The following CIT variants were observed in gnomAD, a reference collection of about 807,000 sequenced individuals.
CIT encodes the protein citron Rho-interacting kinase.
Under a neutral mutation model 272.7 loss-of-function variants are expected in CIT, and 79 were observed. That is an observed-to-expected ratio of 0.29 (90% CI 0.24 to 0.35). CIT has a LOEUF of 0.35. Ranked by LOEUF, CIT falls within the 10% of genes least tolerant of loss-of-function variation. The pLI, the probability that CIT is intolerant of heterozygous loss-of-function variation, is 1.00. For synonymous variants in CIT, 948 were observed against 995.6 expected, an observed-to-expected ratio of 0.95 and a Z score of 0.90; for missense variants, 1,909 against 2,618.3, an observed-to-expected ratio of 0.73 and a Z score of 5.91.
intron 26 of CIT, among the ~76,000 whole-genome samples, chr12:119,730,844 C>G (rs1028524687): frequency 1.3e-5 from 2 of 152,196 alleles, no homozygotes; most frequent in Non-Finnish European, 2.9e-5. Context: ...AAAAACAAAA[C>G]AGGCCAGGCA....
intron 46 of CIT, among the ~76,000 whole-genome samples, chr12:119,693,603 T>C (rs577912497): frequency 1.3e-5 from 2 of 152,344 alleles, no homozygotes; most frequent in South Asian, 4.1e-4. Context: ...ACTTGGGAAC[T>C]ACTTAAAAAA....
At chr12:119,772,710 T>C in intron 17 of CIT, 60 bp downstream of exon 17, 1 of 1,492,542 alleles carries the variant, frequency 6.7e-7, no homozygotes, top group Non-Finnish European at 8.9e-7. Context: ...GCAGTTTCTT[T>C]CCTTGGGCAC....
intron 5 of CIT, 91 bp downstream of exon 5, chr12:119,850,083 C>CAAG: frequency 1.2e-6 from 1 of 854,592 alleles, no homozygotes; most frequent in East Asian, 2.4e-5. Context: ...TGAATGAGAC[C>CAAG]ACATGGGCAA....
chr12:119,832,964 TTC>T lies in CIT; in HGVS notation c.660-102_660-101del, dbSNP rs1968749106. 5 of 819,026 alleles carry T rather than the reference TTC, an allele frequency of 6.1e-6. No homozygotes were observed. In the East Asian group the frequency reaches 1.0e-4, roughly 16 times the overall value. The allele number at this position is 819,026 out of a possible 1,614,324, so 50.7% of individuals were successfully genotyped here. ...TGAGCCAAAAATCTTTGTTTATGTA[TTC>T]TGTTATATAGACCTCCTCTATTGGT... On this transcript the variant is annotated intron_variant, in intron 6 of 47. Coordinates refer to ENST00000392521, the MANE Select transcript of CIT (RefSeq NM_001206999.2).
chr12:119,787,654 C>A (rs1964916156), intron 10 of CIT, among the ~76,000 whole-genome samples: 2 of 141,714 alleles, frequency 1.4e-5, no homozygotes, highest in Admixed American at 7.9e-5. Context: ...TGGCATGAAC[C>A]CGGGAGGCGG....
At chr12:119,742,081 T>C (rs536922077) in intron 24 of CIT, among the ~76,000 whole-genome samples, 1 of 152,296 alleles carries the variant, frequency 6.6e-6, no homozygotes, top group South Asian at 2.1e-4. Flanking sequence ...TGGAACCTTC[T>C]ACATTGGGAC....
intron 4 of CIT, among the ~76,000 whole-genome samples, chr12:119,852,486 G>C (rs538732610): frequency 2.6e-4 from 39 of 150,898 alleles, no homozygotes; most frequent in Non-Finnish European, 4.0e-4. Context: ...GGCCAAGGCG[G>C]GCGGATCACT....
At chr12:119,850,715 GGT>G (rs1472516617) in intron 4 of CIT, among the ~76,000 whole-genome samples, 2 of 152,080 alleles carry the variant, frequency 1.3e-5, no homozygotes, top group Non-Finnish European at 2.9e-5. Flanking sequence ...GCCATTCACT[GGT>G]GTGGAACAAG....
chr12:119,745,269 A>C (rs1959199815), intron 23 of CIT, among the ~76,000 whole-genome samples: 2 of 150,070 alleles, frequency 1.3e-5, no homozygotes, highest in South Asian at 2.1e-4. Flanking sequence ...AAAAATGAGA[A>C]AGACAGATTT....
At chr12:119,808,302 C>G (rs1373054183) in intron 9 of CIT, among the ~76,000 whole-genome samples, 1 of 152,162 alleles carries the variant, frequency 6.6e-6, no homozygotes, top group Non-Finnish European at 1.5e-5. Context: ...TCATTCCCAC[C>G]TTTGATTTTT....
Position 119,772,883 on chromosome 12 carries a change from C to CG in CIT, c.1968dup (p.Glu657ArgfsTer28). ...GCCTGGCGGATATTCTGCAGCAGCT[C>CG]GGTGGCCTCCGTGCTGGCTTTTACA... On this transcript the variant is annotated frameshift_variant, in exon 17 of 48. Coordinates refer to ENST00000392521, the MANE Select transcript of CIT (RefSeq NM_001206999.2). LOFTEE classifies it high-confidence loss of function. The CG allele has an allele frequency of 6.2e-7, 1 of 1,613,914 alleles. No individual in the cohort carries two copies. Among genetic ancestry groups the CG allele is most frequent in the Non-Finnish European group, 8.5e-7 (1 of 1,179,958 alleles).
chr12:119,733,449 C>T (rs957349768), intron 26 of CIT, among the ~76,000 whole-genome samples: 2 of 151,520 alleles, frequency 1.3e-5, no homozygotes, highest in African/African-American at 4.9e-5. Flanking sequence ...AAGGAGAATT[C>T]CTCCCACCCT....
intron 29 of CIT, 135 bp from the exon 30 acceptor site, chr12:119,720,720 G>A (rs1957779051): frequency 1.8e-6 from 1 of 557,868 alleles, no homozygotes; most frequent in South Asian, 2.9e-5. Flanking sequence ...TACTGAGTCA[G>A]TATGTATTTA....
Position 119,697,564 on chromosome 12 carries a change from G to T in CIT, c.5882+95C>A, listed in dbSNP as rs917061023. On this transcript the variant is annotated intron_variant, in intron 46 of 47. Coordinates refer to ENST00000392521, the MANE Select transcript of CIT (RefSeq NM_001206999.2). This position sits in a 1 kb window ranked among gnomAD's most constrained non-coding sequence, Gnocchi z 4.9. Reference sequence around the variant, plus strand: ...GGTTTGAGCTTAAGAACAAAGTGAAGATTGGGAAACATTCTACTGGTTTAG... The same window carrying T: ...GGTTTGAGCTTAAGAACAAAGTGAATATTGGGAAACATTCTACTGGTTTAG... The T allele has an allele frequency of 1.3e-5, 17 of 1,288,728 alleles. No homozygotes were observed. The highest frequency in any genetic ancestry group is 1.8e-5 in the Non-Finnish European group (17 of 929,090). The allele number at this position is 1,288,728 out of a possible 1,614,324, so 79.8% of individuals were successfully genotyped here.
At position 119,877,295 on chromosome 12, in the gene CIT, C is replaced by G. The variant is rs1241875269; in HGVS notation, c.-60G>C. 1 of 152,348 alleles carries G rather than the reference C, an allele frequency of 6.6e-6. No homozygotes were observed. Among genetic ancestry groups the G allele is most frequent in the South Asian group, 2.1e-4 (1 of 4,834 alleles). The allele number at this position is 152,348 out of a possible 1,614,324, so 9.4% of individuals were successfully genotyped here. A position where few individuals can be genotyped will look rare whatever the true frequency, so the allele number is the denominator to read the frequency against. ...GCGATCTGTTCCGCCCCGCGCCTCC[C>G]GCCGCCGCGTTTGAACCCGAGGAAC... On this transcript the variant is annotated 5_prime_UTR_variant, in exon 1 of 48. Coordinates refer to ENST00000392521, the MANE Select transcript of CIT (RefSeq NM_001206999.2).
chr12:119,734,294 G>C lies in CIT; in HGVS notation c.3220C>G (p.Leu1074Val), dbSNP rs1449628273. The C allele has an allele frequency of 1.2e-6, 2 of 1,613,772 alleles. No homozygotes were observed. Among genetic ancestry groups the C allele is most frequent in the Middle Eastern group, 1.6e-4 (1 of 6,084 alleles). ...LEEQVMDLEA[L>V]NDELLEKERQ... ...TCTTTTTCTAGCAGCTCATCGTTTA[G>C]GGCCTCCAAATCCATGACCTGTTCC... Residue 1074 changes from leucine to valine, a missense_variant, in exon 26 of 48, where the codon CTA (leucine) becomes GTA (valine). This residue lies in a region of CIT where 530 missense variants were observed against 822.4 expected (regional missense o/e 0.64). Transcript: ENST00000392521.
rs1957301299 is a variant in CIT at position 119,713,831 on chromosome 12, T to C, written c.4307-183A>G. On this transcript the variant is annotated intron_variant, in intron 33 of 47. Transcript: ENST00000392521. The surrounding 1 kb of genome is among the most constrained non-coding windows in gnomAD (Gnocchi z 5.2). ...CCCCTGCAGAAAGGGAAAACAAAAG[T>C]GCCAAGTGCTCTTGACCCAGTTTTC... 2 of 657,654 alleles carry C rather than the reference T, an allele frequency of 3.0e-6. No individual in the cohort carries two copies. The highest frequency in any genetic ancestry group is 1.9e-5 in the South Asian group (1 of 52,132). 40.7% of individuals were successfully genotyped at this position (657,654 alleles called of 1,614,324 possible).
chr12:119,728,645 G>C lies in CIT; in HGVS notation c.3487-39C>G, dbSNP rs7311108. 50,317 of 1,345,140 alleles carry C rather than the reference G, an allele frequency of 0.037. 1,513 individuals are homozygous for C. The highest frequency in any genetic ancestry group is 0.15 in the African/African-American group (10,502 of 68,840). The allele number at this position is 1,345,140 out of a possible 1,614,324, so 83.3% of individuals were successfully genotyped here. On this transcript the variant is annotated intron_variant, in intron 27 of 47. Transcript: ENST00000392521. This position sits in a 1 kb window ranked among gnomAD's most constrained non-coding sequence, Gnocchi z 4.3. ...AAGATTGGCATAATGCCACACTTAG[G>C]AATGTTAGATGCTGACAACGTTTAT...
chr12:119,753,963 A>G (rs140581824), intron 22 of CIT, among the ~76,000 whole-genome samples: 1 of 152,178 alleles, frequency 6.6e-6, no homozygotes, highest in Non-Finnish European at 1.5e-5. Flanking sequence ...TGGGTCAGAA[A>G]CTCAAAAGAA....
Sources: gnomAD v4.1 joint callset for allele counts (sites outside exome capture counted in the v4.1 genomes callset) on GRCh38, gnomAD v4.1.1 for gene constraint, gnomAD v4.1.1 regional missense constraint, Gnocchi (gnomAD v3.1) non-coding constraint, MANE v1.5 for transcripts, NCBI Gene and HGNC (gene_info 2026-07-23, HGNC 2026-07-21) for gene names.